The following SORBS2 variants were observed in gnomAD, a reference collection of about 807,000 sequenced individuals.
SORBS2 encodes the protein sorbin and SH3 domain containing 2.
SORBS2 carries 46 observed loss-of-function variants against 97.7 expected under a neutral mutation model. The observed-to-expected ratio is 0.47, with a 90% CI of 0.37 to 0.60. SORBS2 has a LOEUF of 0.60. Ranked by LOEUF, SORBS2 falls within the 20% of genes least tolerant of loss-of-function variation. The probability of loss-of-function intolerance (pLI) is 0.00; values close to 1 mark genes in which losing one functional copy is unlikely to be tolerated. For synonymous variants in SORBS2, 476 were observed against 473.4 expected (o/e 1.01, Z -0.07); for missense variants, 1,316 against 1,282.3 (o/e 1.03, Z -0.40).
At chr4:185,939,807 G>A (rs1048955846) in intron 1 of SORBS2, among the ~76,000 whole-genome samples, 2 of 152,092 alleles carry the variant, frequency 1.3e-5, no homozygotes, top group African/African-American at 4.8e-5. Flanking sequence ...ACCACGCCTG[G>A]CCTGTCTCAA....
At chr4:185,646,762 T>C in exon 4 of SORBS2, 1 of 1,610,024 alleles carries the variant, frequency 6.2e-7, no homozygotes, top group Non-Finnish European at 8.5e-7. Context: ...CACTTTTCTG[T>C]CTGGAGGATC....
intron 1 of SORBS2, among the ~76,000 whole-genome samples, chr4:185,859,835 CTAAG>C (rs1158336736): frequency 6.6e-6 from 1 of 152,072 alleles, no homozygotes; most frequent in Non-Finnish European, 1.5e-5. Context: ...CAACAAAAAA[CTAAG>C]GTGCTGATGG....
At chr4:185,744,296 T>G (rs1191292324) in intron 2 of SORBS2, among the ~76,000 whole-genome samples, 1 of 152,182 alleles carries the variant, frequency 6.6e-6, no homozygotes, top group East Asian at 1.9e-4. Context: ...ATTGCATTCA[T>G]GTGGAACTTG....
At chr4:185,780,101 T>C (rs564440176) in intron 1 of SORBS2, among the ~76,000 whole-genome samples, 1 of 141,906 alleles carries the variant, frequency 7.0e-6, no homozygotes, top group East Asian at 2.4e-4. Context: ...CCGCAACCTC[T>C]ACCTCCCAGG....
chr4:185,955,581 CA>C (rs1450455677), intron 1 of SORBS2, among the ~76,000 whole-genome samples: 1 of 152,198 alleles, frequency 6.6e-6, no homozygotes, highest in Non-Finnish European at 1.5e-5. Flanking sequence ...ATTATCCTTC[CA>C]ATTACCTTGG....
At chr4:185,929,270 A>G (rs369641656) in intron 1 of SORBS2, among the ~76,000 whole-genome samples, 4 of 152,294 alleles carry the variant, frequency 2.6e-5, no homozygotes, top group African/African-American at 9.6e-5. Flanking sequence ...CCAGGCTTCC[A>G]CAAGCGCTGA....
chr4:185,597,240 C>T (rs2096125800), intron 12 of SORBS2, among the ~76,000 whole-genome samples: 1 of 152,138 alleles, frequency 6.6e-6, no homozygotes, highest in South Asian at 2.1e-4. Flanking sequence ...CCTCAGCTTC[C>T]CTATCTCTGA....
intron 1 of SORBS2, among the ~76,000 whole-genome samples, chr4:185,935,346 T>C (rs765338195): frequency 5.3e-5 from 8 of 152,216 alleles, no homozygotes; most frequent in Non-Finnish European, 1.0e-4. Flanking sequence ...ATCACTTATC[T>C]GTAACAAGAA....
chr4:185,948,464 T>C (rs2099275590), intron 1 of SORBS2, among the ~76,000 whole-genome samples: 1 of 151,786 alleles, frequency 6.6e-6, no homozygotes, highest in Admixed American at 6.6e-5. Context: ...TTCATAAATG[T>C]AATGGGGAAG....
At chr4:185,793,972 G>A (rs2099093392) in intron 1 of SORBS2, among the ~76,000 whole-genome samples, 2 of 152,254 alleles carry the variant, frequency 1.3e-5, no homozygotes, top group East Asian at 3.9e-4. Flanking sequence ...TTCCTGTCCT[G>A]CAAAATTGGA....
chr4:185,652,801 T>C, intron 1 of SORBS2, 73 bp from the exon 10 acceptor site: 1 of 1,108,350 alleles, frequency 9.0e-7, no homozygotes, highest in Non-Finnish European at 1.4e-6. Flanking sequence ...TTTTCATTTC[T>C]CTATTTTATG....
At position 185,606,385 on chromosome 4, in the gene SORBS2, A is replaced by G. The variant is rs1198551055; in HGVS notation, c.2796+5395T>C. On this transcript the variant is annotated intron_variant, in intron 12 of 14. Coordinates refer to ENST00000418609, the Ensembl canonical transcript of SORBS2. The surrounding 1 kb of genome is among the most constrained non-coding windows in gnomAD (Gnocchi z 4.3). ...TCCTGAAGAAAAATGGGATAATGGA[A>G]TTATATCACATATTTACATCATTTA... The G allele has an allele frequency of 5.2e-6, 5 of 964,492 alleles. No individual in the cohort carries two copies. Among genetic ancestry groups the G allele is most frequent in the Non-Finnish European group, 6.2e-6 (5 of 810,964 alleles). 59.7% of individuals were successfully genotyped at this position (964,492 alleles called of 1,614,324 possible).
intron 12 of SORBS2, among the ~76,000 whole-genome samples, chr4:185,599,417 C>T (rs2096200401): frequency 6.6e-6 from 1 of 152,092 alleles, no homozygotes; most frequent in Non-Finnish European, 1.5e-5. Flanking sequence ...GTAATTTGAC[C>T]TTTAAGTTCA....
At position 185,601,670 on chromosome 4, in the gene SORBS2, A is replaced by G. The variant is rs144167594; in HGVS notation, c.2797-7735T>C. ...CCAGTCTTGACTAATACAGGGGTTC[A>G]ATGCATATCAGAGCTCTTAGAGAAA... On this transcript the variant is annotated intron_variant, in intron 12 of 14. Coordinates refer to ENST00000418609, the Ensembl canonical transcript of SORBS2. Among the ~76,000 whole-genome samples the G allele has an allele frequency of 5.9e-5, 9 of 152,160 alleles. 1 individual carries two copies. Among genetic ancestry groups the G allele is most frequent in the African/African-American group, 2.2e-4 (9 of 41,540 alleles).
intron 12 of SORBS2, among the ~76,000 whole-genome samples, chr4:185,600,791 T>A (rs989982166): frequency 2.6e-5 from 4 of 151,424 alleles, no homozygotes; most frequent in African/African-American, 4.9e-5. Flanking sequence ...GTATCAGACA[T>A]TTGTTGGAGG....
At chr4:185,637,035 G>A (rs866587156) in intron 4 of SORBS2, among the ~76,000 whole-genome samples, 52 of 152,378 alleles carry the variant, frequency 3.4e-4, no homozygotes, top group African/African-American at 1.2e-3. Flanking sequence ...TAGAGAAGCT[G>A]TGATGGCTTT....
At position 185,788,745 on chromosome 4, in the gene SORBS2, A is replaced by T. The variant is rs2099067530; in HGVS notation, c.-337-13379T>A. On this transcript the variant is annotated intron_variant, in intron 1 of 20. Coordinates refer to the SORBS2 transcript ENST00000284776. Reference sequence around the variant, plus strand: ...CATATATAACGTTGGGTAAGAGAAGAAGGAATTGGAAAGCTCTTCACCAAC... The same window carrying T: ...CATATATAACGTTGGGTAAGAGAAGTAGGAATTGGAAAGCTCTTCACCAAC... Among the ~76,000 whole-genome samples, 3 of 152,234 alleles carry T rather than the reference A, an allele frequency of 2.0e-5. No individual in the cohort carries two copies. In the South Asian group the frequency reaches 6.2e-4, roughly 32 times the overall value.
chr4:185,690,556 G>T lies in SORBS2; in HGVS notation c.-197-11734C>A. ...TAAAAGAGTTTAAAACTAACAGACA[G>T]CATACCTGTGTTCATTTTCACCTTG... On this transcript the variant is annotated intron_variant, in intron 2 of 20. Coordinates refer to the SORBS2 transcript ENST00000284776. 1 of 1,522,466 alleles carries T rather than the reference G, an allele frequency of 6.6e-7. No homozygotes were observed. The highest frequency in any genetic ancestry group is 8.9e-7 in the Non-Finnish European group (1 of 1,126,844). 94.3% of individuals were successfully genotyped at this position (1,522,466 alleles called of 1,614,324 possible).
intron 4 of SORBS2, among the ~76,000 whole-genome samples, chr4:185,668,525 C>T (rs930794366): frequency 6.6e-6 from 1 of 152,136 alleles, no homozygotes; most frequent in African/African-American, 2.4e-5. Context: ...ACTGGTCACC[C>T]ACAAAAAAGC....
Sources: allele counts gnomAD v4.1 joint callset (sites outside exome capture counted in the v4.1 genomes callset), GRCh38; gene constraint gnomAD v4.1.1; non-coding constraint Gnocchi (gnomAD v3.1); transcripts MANE v1.5; gene names NCBI Gene and HGNC (gene_info 2026-07-23, HGNC 2026-07-21).